Variants in MRC2 observed in about 807,000 individuals in gnomAD.
MRC2 encodes mannose receptor C-type 2, also known as C-type mannose receptor 2.
Under a neutral mutation model 206.2 loss-of-function variants are expected in MRC2, and 84 were observed. The observed-to-expected ratio is 0.41, with a 90% confidence interval of 0.34 to 0.49. MRC2 has a LOEUF of 0.49. Ranked by LOEUF, MRC2 falls within the 20% of genes least tolerant of loss-of-function variation. The pLI is 0.31. For missense variants in MRC2, 1,676 were observed against 2,001.5 expected, an observed-to-expected ratio of 0.84 and a Z score of 3.10; for synonymous variants, 798 against 800.0, an observed-to-expected ratio of 1.00 and a Z score of 0.04.
chr17:62,649,691 A>G (rs2088531830), intron 1 of MRC2, among the ~76,000 whole-genome samples: 1 of 152,140 alleles, frequency 6.6e-6, no homozygotes, highest in Non-Finnish European at 1.5e-5. Context: ...GCAACAGCTC[A>G]TTAGGAAACG....
chr17:62,654,743 G>A (rs1242122747), intron 1 of MRC2, among the ~76,000 whole-genome samples: 4 of 152,234 alleles, frequency 2.6e-5, no homozygotes, highest in Non-Finnish European at 5.9e-5. Flanking sequence ...GTTACTCAAT[G>A]TAGGGCAAAT....
chr17:62,660,479 CAG>C (rs2088667439), intron 1 of MRC2, among the ~76,000 whole-genome samples: 3 of 152,168 alleles, frequency 2.0e-5, no homozygotes, highest in South Asian at 4.1e-4. Flanking sequence ...GCTGAGGAAA[CAG>C]AGTTTAAAAT....
chr17:62,633,839 TCAAAAAAAAAAAAAAAAAA>T, intron 1 of MRC2, among the ~76,000 whole-genome samples: 2 of 47,490 alleles, frequency 4.2e-5, no homozygotes, highest in African/African-American at 1.5e-4. Flanking sequence ...AGACCCTGTC[TCAAAAAAAAAAAAAAAAAA>T]AAAAAAAAAA....
chr17:62,688,618 C>G lies in MRC2; in HGVS notation c.3179C>G (p.Pro1060Arg). 6.2e-7 allele frequency: 1 copy of G among 1,614,178 alleles called. No homozygotes were observed. Residue 1060 changes from proline (P) to arginine (R), a missense_variant, in exon 22 of 30, where the codon CCT becomes CGT. By Grantham distance (103) the Pro-to-Arg change is moderately radical. This residue lies in a region of MRC2 where 1,354 missense variants were observed against 1,636.6 expected (regional missense o/e 0.83). Coordinates refer to ENST00000303375, the MANE Select transcript of MRC2 (RefSeq NM_006039.5). ...QEPLMYANWA[P>R]GEPSGPSPAP... The stretch of plus-strand genomic sequence containing the variant: ...CCTTTGATGTATGCCAACTGGGCAC[C>G]TGGGGAGCCCTCTGGCCCTAGCCCT...
At chr17:62,641,303 G>A (rs192000314) in intron 1 of MRC2, among the ~76,000 whole-genome samples, 33 of 144,302 alleles carry the variant, frequency 2.3e-4, no homozygotes, top group Admixed American at 4.9e-4. Flanking sequence ...CCAACAGACC[G>A]AGACTGTCTC....
At chr17:62,669,085 AAC>A (rs72222842) in intron 6 of MRC2, among the ~76,000 whole-genome samples, 23,364 of 142,848 alleles carry the variant, frequency 0.16, 1,845 homozygotes, top group South Asian at 0.22. Flanking sequence ...AAAATATGGC[AAC>A]ACACACACAC....
At position 62,680,662 on chromosome 17, in the gene MRC2, G is replaced by T. The variant is rs2088952788; in HGVS notation, c.2474-138G>T. 1.6e-6 allele frequency: 2 copies of T among 1,289,982 alleles called. No homozygotes were observed. The highest frequency in any genetic ancestry group is 2.1e-6 in the Non-Finnish European group (2 of 968,544). 79.9% of individuals were successfully genotyped at this position (1,289,982 alleles called of 1,614,324 possible). On this transcript the variant is annotated intron_variant, in intron 16 of 29. Coordinates refer to ENST00000303375, the MANE Select transcript of MRC2 (RefSeq NM_006039.5). The surrounding 1 kb of genome is among the most constrained non-coding windows in gnomAD (Gnocchi z 4.8). ...AGCCTGGGGCCTGGGGCCTGGCACG[G>T]TGCCTGCCTGGGTCCGGTGTGCCTG...
At chr17:62,662,585 C>G (rs906576291) in intron 1 of MRC2, among the ~76,000 whole-genome samples, 1 of 152,120 alleles carries the variant, frequency 6.6e-6, no homozygotes, top group African/African-American at 2.4e-5. Context: ...GCACTTTGCC[C>G]AAGTCCCATA....
At chr17:62,668,379 T>A (rs2088783931) in intron 6 of MRC2, among the ~76,000 whole-genome samples, 9 of 133,648 alleles carry the variant, frequency 6.7e-5, no homozygotes, top group African/African-American at 2.3e-4. Flanking sequence ...AATAAATAAA[T>A]AAATAAATTT....
Position 62,691,137 on chromosome 17 carries a change from C to T in MRC2, c.4192+9C>T, listed in dbSNP as rs376055780. ...CTGCAAGCTTCCTCGTGGTGAGCGC[C>T]GGGCAGGCCCACGCTCAGCCTCCTT... On this transcript the variant is annotated intron_variant, in intron 28 of 29. Transcript: ENST00000303375. 65 of 1,593,250 alleles carry T rather than the reference C, an allele frequency of 4.1e-5. No individual in the cohort carries two copies. The highest frequency in any genetic ancestry group is 8.0e-5 in the South Asian group (7 of 87,906).
At chr17:62,674,251 TGCTGCCTCGC>T in intron 9 of MRC2, 81 bp downstream of exon 9, 1 of 1,031,406 alleles carries the variant, frequency 9.7e-7, no homozygotes, top group Non-Finnish European at 1.4e-6. Flanking sequence ...GATGAACTCC[TGCTGCCTCGC>T]ATGGCATCGC....
At chr17:62,628,176 G>A (rs1343815806) in intron 1 of MRC2, among the ~76,000 whole-genome samples, 1 of 152,048 alleles carries the variant, frequency 6.6e-6, no homozygotes, top group Non-Finnish European at 1.5e-5. Context: ...GGGGAGCCCG[G>A]GGGACTCCAG....
rs1345262518 is a variant in MRC2, at chr17:62,679,902, G to A, written c.2298G>A (p.Gly766=). Residue 766 remains glycine, a splice_region_variant and synonymous_variant, in exon 14 of 30, where the codon GGG becomes GGA. Transcript: ENST00000303375. ...GTTGGCGCTGGAGCGACGGCGTAGG[G>A]GTGAGGGGGCCTGGGGTACTTGGGA... The part of the protein sequence containing the change: ...GQSWRWSDGV[G]FSYHNFDRSR... 6.2e-7 allele frequency: 1 copy of A among 1,612,244 alleles called. No individual in the cohort carries two copies. Among genetic ancestry groups the A allele is most frequent in the Admixed American group, 1.7e-5 (1 of 59,878 alleles).
chr17:62,635,788 ATT>A (rs766181711), intron 1 of MRC2, among the ~76,000 whole-genome samples: 1 of 143,212 alleles, frequency 7.0e-6, no homozygotes, highest in Non-Finnish European at 1.5e-5. Context: ...TGTGTCTAGA[ATT>A]TTTTTTTTTT....
chr17:62,662,357 G>A (rs577049051), intron 1 of MRC2, among the ~76,000 whole-genome samples: 1 of 152,140 alleles, frequency 6.6e-6, no homozygotes, highest in African/African-American at 2.4e-5. Flanking sequence ...GGACCCAGGA[G>A]ATGAGGGCCA....
chr17:62,657,963 C>G (rs761177568), intron 1 of MRC2, among the ~76,000 whole-genome samples: 1 of 152,156 alleles, frequency 6.6e-6, no homozygotes, highest in East Asian at 1.9e-4. Context: ...AGGAATCCCC[C>G]CTCAGCTTCT....
At position 62,688,583 on chromosome 17, in the gene MRC2, G is replaced by A; in HGVS notation, c.3144G>A (p.Val1048=). The A allele has an allele frequency of 1.2e-6, 2 of 1,614,226 alleles. No homozygotes were observed. The highest frequency in any genetic ancestry group is 1.3e-5 in the African/African-American group (1 of 75,068). The change falls in exon 22 of 30, where the codon GTG becomes GTA. Residue 1048 remains valine (V), a synonymous_variant. Transcript: ENST00000303375. Reference sequence around the variant, plus strand: ...CCTCGCAGAGGGACTTCCAGTGGGTGGAGCAGGAGCCTTTGATGTATGCCA... The same window carrying A: ...CCTCGCAGAGGGACTTCCAGTGGGTAGAGCAGGAGCCTTTGATGTATGCCA... The part of the protein sequence containing the change: ...LHASQRDFQW[V]EQEPLMYANW...
At position 62,680,793 on chromosome 17, in the gene MRC2, C is replaced by A. The variant is rs2088955319; in HGVS notation, c.2474-7C>A. On this transcript the variant is annotated splice_region_variant and splice_polypyrimidine_tract_variant and intron_variant, in intron 16 of 29. Transcript: ENST00000303375. The surrounding 1 kb of genome is among the most constrained non-coding windows in gnomAD (Gnocchi z 4.8). ...CCGCCGCTCCCACGCCCGCGCTGCT[C>A]CTGCAGGCCGACGGGAATGGCTGCG... 1 of 1,605,738 alleles carries A rather than the reference C, an allele frequency of 6.2e-7. No individual in the cohort carries two copies. Among genetic ancestry groups the A allele is most frequent in the Non-Finnish European group, 8.5e-7 (1 of 1,176,328 alleles).
chr17:62,658,789 G>C (rs910079961), intron 1 of MRC2, among the ~76,000 whole-genome samples: 14 of 152,122 alleles, frequency 9.2e-5, no homozygotes, highest in African/African-American at 2.4e-4. Context: ...GGCCCCTTTG[G>C]CTACCTCCTG....
Sources: allele counts gnomAD v4.1 joint callset (sites outside exome capture counted in the v4.1 genomes callset), GRCh38; gene constraint gnomAD v4.1.1; regional missense constraint gnomAD v4.1.1; non-coding constraint Gnocchi (gnomAD v3.1); transcripts MANE v1.5; gene names NCBI Gene and HGNC (gene_info 2026-07-23, HGNC 2026-07-21).